Variants in CHODL observed in about 807,000 individuals in gnomAD.
The protein encoded by CHODL is transmembrane protein MT75.
CHODL carries 29 observed loss-of-function variants against 34.5 expected under a neutral mutation model. The observed-to-expected ratio is 0.84, with a 90% CI of 0.63 to 1.15. The LOEUF is 1.15. Among genes scored for constraint, CHODL ranks in the 50% most tolerant of loss-of-function variants. CHODL has a pLI of 0.00. For synonymous variants in CHODL, 125 were observed against 116.1 expected, an observed-to-expected ratio of 1.08 and a Z score of -0.49; for missense variants, 332 against 332.5, an observed-to-expected ratio of 1.00 and a Z score of 0.01.
intron 2 of CHODL, among the ~76,000 whole-genome samples, chr21:18,075,047 G>A (rs2064848282): frequency 6.6e-6 from 1 of 152,152 alleles, no homozygotes; most frequent in Non-Finnish European, 1.5e-5. Flanking sequence ...AATTGATTGA[G>A]TTTGAAAAAT....
At chr21:18,195,605 C>T (rs189004633) in intron 2 of CHODL, among the ~76,000 whole-genome samples, 2 of 152,126 alleles carry the variant, frequency 1.3e-5, no homozygotes, top group Non-Finnish European at 2.9e-5. Flanking sequence ...ATAATGTCCT[C>T]CACGTTTATC....
At chr21:18,217,301 C>T (rs1038259701) in intron 2 of CHODL, among the ~76,000 whole-genome samples, 2 of 152,026 alleles carry the variant, frequency 1.3e-5, no homozygotes, top group Non-Finnish European at 2.9e-5. Context: ...GTTTAATTGG[C>T]TTACAGTTTT....
intron 2 of CHODL, among the ~76,000 whole-genome samples, chr21:18,217,883 G>A (rs1016246390): frequency 6.6e-6 from 1 of 152,144 alleles, no homozygotes; most frequent in Non-Finnish European, 1.5e-5. Flanking sequence ...AATTCAGTGG[G>A]GCAGTCACAT....
rs1209090596 is a variant in CHODL at position 18,220,031 on chromosome 21, C to T, written c.-44-36478C>T. On this transcript the variant is annotated intron_variant, in intron 2 of 6. Transcript: ENST00000400127. The stretch of plus-strand genomic sequence containing the variant: ...CAGACTAATGTCCTGAAGTGCTGTC[C>T]CAATATTTTCATTTAGTAGTTACAG... Among the ~76,000 whole-genome samples, 10 of 152,002 alleles carry T rather than the reference C, an allele frequency of 6.6e-5. No individual in the cohort carries two copies. In the South Asian group the frequency reaches 2.1e-3, roughly 31 times the overall value.
chr21:17,950,010 A>T (rs886273629), intron 1 of CHODL, among the ~76,000 whole-genome samples: 1 of 152,224 alleles, frequency 6.6e-6, no homozygotes, highest in South Asian at 2.1e-4. Flanking sequence ...AAATCAAAAC[A>T]AAAGAATAGA....
chr21:18,190,996 A>G (rs967454043), intron 2 of CHODL, among the ~76,000 whole-genome samples: 3 of 152,186 alleles, frequency 2.0e-5, no homozygotes, highest in Admixed American at 1.3e-4. Flanking sequence ...GGTCATCAAT[A>G]CTGGCTCCAT....
rs569202492 is a variant in CHODL, at chr21:18,171,708, T to C, written c.-44-84801T>C. 4.0e-5 allele frequency among the ~76,000 whole-genome samples: 6 copies of C among 150,438 alleles called. No individual in the cohort carries two copies. The South Asian group carries it at 8.5e-4, about 21-fold the overall frequency. ...TAGATAATATGGCATCTCTGAAAAT[T>C]AGATACTTCTCCCCCATATTCTCTT... On this transcript the variant is annotated intron_variant, in intron 2 of 6. Coordinates refer to the CHODL transcript ENST00000400127.
At chr21:18,044,456 C>T (rs1335188103) in intron 2 of CHODL, among the ~76,000 whole-genome samples, 1 of 151,868 alleles carries the variant, frequency 6.6e-6, no homozygotes, top group Admixed American at 6.6e-5. Flanking sequence ...AACACTTTTA[C>T]TGGCACATTT....
At chr21:18,005,003 T>C (rs558320597) in intron 1 of CHODL, among the ~76,000 whole-genome samples, 1 of 152,354 alleles carries the variant, frequency 6.6e-6, no homozygotes, top group African/African-American at 2.4e-5. Context: ...TAGCTTTATA[T>C]ACCTCAGCCC....
At chr21:18,145,952 G>A (rs187863257) in intron 2 of CHODL, among the ~76,000 whole-genome samples, 3 of 150,546 alleles carry the variant, frequency 2.0e-5, no homozygotes, top group African/African-American at 7.5e-5. Context: ...TTTATTTTTT[G>A]GTTTTGTTTT....
intron 1 of CHODL, among the ~76,000 whole-genome samples, chr21:17,982,983 C>T (rs2063726286): frequency 6.6e-6 from 1 of 151,988 alleles, no homozygotes; most frequent in Non-Finnish European, 1.5e-5. Flanking sequence ...CCTTGGCTTC[C>T]CAAACTTCTG....
intron 1 of CHODL, among the ~76,000 whole-genome samples, chr21:18,027,606 G>A (rs1378650248): frequency 6.6e-6 from 1 of 152,122 alleles, no homozygotes; most frequent in Non-Finnish European, 1.5e-5. Context: ...TTAATATTAA[G>A]CACTTCTCTG....
chr21:18,135,952 C>CA, intron 2 of CHODL, among the ~76,000 whole-genome samples: 1 of 151,818 alleles, frequency 6.6e-6, no homozygotes, highest in South Asian at 2.1e-4. Context: ...ACTAAAAACA[C>CA]AAAAATTACC....
intron 2 of CHODL, among the ~76,000 whole-genome samples, chr21:18,047,058 A>T (rs1385247181): frequency 1.3e-5 from 2 of 151,918 alleles, no homozygotes; most frequent in African/African-American, 2.4e-5. Flanking sequence ...TGATTTGCAA[A>T]TATTAAATCC....
At chr21:18,064,987 C>T (rs777042284) in intron 2 of CHODL, among the ~76,000 whole-genome samples, 63 of 152,090 alleles carry the variant, frequency 4.1e-4, no homozygotes, top group Admixed American at 7.9e-4. Context: ...GTAGTTTAAA[C>T]GAAGGAAGGC....
chr21:17,940,024 C>T (rs111593666), intron 1 of CHODL, among the ~76,000 whole-genome samples: 1 of 152,162 alleles, frequency 6.6e-6, no homozygotes, highest in African/African-American at 2.4e-5. Context: ...GAAGGGCCCA[C>T]ACTTCTTTTA....
rs2063494710 is a variant in CHODL, at chr21:17,956,448, T to G, written c.-145+39048T>G. Among the ~76,000 whole-genome samples the G allele has an allele frequency of 1.5e-5, 2 of 136,818 alleles. 1 individual carries two copies. The highest frequency in any genetic ancestry group is 1.4e-4 in the Admixed American group (2 of 13,864). The allele number at this position is 136,818 out of a possible 152,430, so 89.8% of individuals were successfully genotyped here. On this transcript the variant is annotated intron_variant, in intron 1 of 6. Transcript: ENST00000400127. ...ACCTCTTTTCTTATAAATTACCTAG[T>G]CTCAGATATTTCTTTATTGCAATGC...
At chr21:18,247,795 G>A (rs1002356274) in intron 1 of CHODL, among the ~76,000 whole-genome samples, 2 of 152,060 alleles carry the variant, frequency 1.3e-5, no homozygotes, top group African/African-American at 4.8e-5. Context: ...ACACACAGAT[G>A]TGTAGAGAAT....
chr21:18,248,676 ATATG>A (rs1162441416), intron 1 of CHODL, among the ~76,000 whole-genome samples: 41 of 126,382 alleles, frequency 3.2e-4, no homozygotes, highest in African/African-American at 1.2e-3. Flanking sequence ...TATAATACAT[ATATG>A]TATATATTAT....
Sources: gnomAD v4.1 joint callset for allele counts (sites outside exome capture counted in the v4.1 genomes callset) on GRCh38, gnomAD v4.1.1 for gene constraint, MANE v1.5 for transcripts, NCBI Gene and HGNC (gene_info 2026-07-23, HGNC 2026-07-21) for gene names.